The following SEPTIN9 variants were observed in gnomAD, a reference collection of about 807,000 sequenced individuals.
SEPTIN9 encodes septin-9.
In SEPTIN9, 13 loss-of-function variants were observed where a neutral mutation model predicts 56.6. The ratio of observed to expected loss-of-function variants is 0.23; its 90% CI spans 0.15 to 0.37. The LOEUF is 0.37. SEPTIN9 is among the 10% of genes least tolerant of loss of function. The pLI, the probability that SEPTIN9 is intolerant of heterozygous loss-of-function variation, is 1.00. For missense variants in SEPTIN9, 650 were observed against 823.1 expected, an observed-to-expected ratio of 0.79 and a Z score of 2.57; for synonymous variants, 332 against 334.1, an observed-to-expected ratio of 0.99 and a Z score of 0.07.
Position 77,488,429 on chromosome 17 carries a change from C to A in SEPTIN9, c.1124+108C>A, listed in dbSNP as rs752209714. On this transcript the variant is annotated intron_variant, in intron 6 of 11. Coordinates refer to ENST00000427177, the MANE Select transcript of SEPTIN9 (RefSeq NM_001113491.2). ...CCGGCCCGCGGGGGTGCAGGGCCCA[C>A]CTCCTGGGACCTGACATGCTGCCAA... The A allele has an allele frequency of 3.8e-4, 381 of 1,006,854 alleles. 3 individuals are homozygous for A. Among genetic ancestry groups the A allele is most frequent in the Middle Eastern group, 1.9e-3 (8 of 4,224 alleles). The allele number at this position is 1,006,854 out of a possible 1,614,324, so 62.4% of individuals were successfully genotyped here.
intron 1 of SEPTIN9, among the ~76,000 whole-genome samples, chr17:77,288,520 TTCCGCAGATCAACCTGA>T (rs2031379837): frequency 6.6e-6 from 1 of 152,230 alleles, no homozygotes; most frequent in Non-Finnish European, 1.5e-5. Context: ...TGGGGCCTTG[TTCCGCAGATCAACCTGA>T]TCCGCACCCT....
rs950933953 is a variant in SEPTIN9, at chr17:77,437,851, G to A, written c.721+35148G>A. On this transcript the variant is annotated intron_variant, in intron 3 of 11. Transcript: ENST00000427177. This position sits in a 1 kb window ranked among gnomAD's most constrained non-coding sequence, Gnocchi z 5.3. ...CCTGTAAGAAAGTCAGGTGCCTCCCGAAGCTTCTCCCTGGCCCCAGGCCAG... is the reference window on the plus strand; with the variant it reads ...CCTGTAAGAAAGTCAGGTGCCTCCCAAAGCTTCTCCCTGGCCCCAGGCCAG... Among the ~76,000 whole-genome samples, 5 of 152,174 alleles carry A rather than the reference G, an allele frequency of 3.3e-5. No homozygotes were observed. The highest frequency in any genetic ancestry group is 1.2e-4 in the African/African-American group (5 of 41,442).
intron 2 of SEPTIN9, among the ~76,000 whole-genome samples, chr17:77,364,959 C>T (rs2034528437): frequency 6.6e-6 from 1 of 152,230 alleles, no homozygotes; most frequent in Non-Finnish European, 1.5e-5. Flanking sequence ...TCTAAAGGGC[C>T]CCAGAGCCAG....
At position 77,402,853 on chromosome 17, in the gene SEPTIN9, G is replaced by A. The variant is rs2035951331; in HGVS notation, c.721+150G>A. 2.7e-6 allele frequency: 2 copies of A among 751,702 alleles called. No individual in the cohort carries two copies. The highest frequency in any genetic ancestry group is 2.7e-5 in the East Asian group (1 of 36,646). The allele number at this position is 751,702 out of a possible 1,614,324, so 46.6% of individuals were successfully genotyped here. A position where few individuals can be genotyped will look rare whatever the true frequency, so the allele number is the denominator to read the frequency against. ...AAGACCGGAATGCATGGGGGTGGGG[G>A]TCTGCAAGCTCAGGAGAGGTGGCTC... On this transcript the variant is annotated intron_variant, in intron 3 of 11. Coordinates refer to ENST00000427177, the MANE Select transcript of SEPTIN9 (RefSeq NM_001113491.2). The surrounding 1 kb of genome is among the most constrained non-coding windows in gnomAD (Gnocchi z 6.6).
In SEPTIN9 at chr17:77,367,913, ACT is replaced by A. The variant is rs1213235964; in HGVS notation, c.77-34142_77-34141del. Among the ~76,000 whole-genome samples, 3 of 152,244 alleles carry A rather than the reference ACT, an allele frequency of 2.0e-5. No individual in the cohort carries two copies. Among genetic ancestry groups the A allele is most frequent in the Admixed American group, 1.3e-4 (2 of 15,286 alleles). On this transcript the variant is annotated intron_variant, in intron 2 of 11. Coordinates refer to ENST00000427177, the MANE Select transcript of SEPTIN9 (RefSeq NM_001113491.2). This position sits in a 1 kb window ranked among gnomAD's most constrained non-coding sequence, Gnocchi z 4.5. Reference sequence around the variant, plus strand: ...GCACACCCATGTTTGTAGCAGCTTTACTCTCAATTGCTCAAATGTGGAAGGAA... The same window carrying A: ...GCACACCCATGTTTGTAGCAGCTTTACTCAATTGCTCAAATGTGGAAGGAA...
chr17:77,467,701 C>T (rs893331246), intron 3 of SEPTIN9, among the ~76,000 whole-genome samples: 4 of 152,220 alleles, frequency 2.6e-5, no homozygotes, highest in Non-Finnish European at 2.9e-5. Flanking sequence ...GGCCACACAC[C>T]GAAGCCGCGG....
intron 3 of SEPTIN9, among the ~76,000 whole-genome samples, chr17:77,440,306 C>G (rs1169349673): frequency 1.3e-5 from 2 of 152,106 alleles, no homozygotes; most frequent in Non-Finnish European, 2.9e-5. Flanking sequence ...AGGCGCCCAC[C>G]ACCACGCCCG....
chr17:77,360,528 C>G (rs192735469), intron 2 of SEPTIN9, among the ~76,000 whole-genome samples: 10 of 152,118 alleles, frequency 6.6e-5, no homozygotes, highest in Admixed American at 2.0e-4. Context: ...CTGCTCCCTA[C>G]TAGGGTAGGT....
At chr17:77,463,127 G>A (rs1337466322) in intron 3 of SEPTIN9, among the ~76,000 whole-genome samples, 1 of 152,158 alleles carries the variant, frequency 6.6e-6, no homozygotes, top group African/African-American at 2.4e-5. Flanking sequence ...GGTGTAGGGA[G>A]GGCACCTCTT....
Position 77,436,724 on chromosome 17 carries a change from C to T in SEPTIN9, c.721+34021C>T, listed in dbSNP as rs917259685. The stretch of plus-strand genomic sequence containing the variant: ...CGGCGGAGGTGGGCAAAAGCCGCTT[C>T]CGGGCAGCCAGCCCCCATCCTGGGA... On this transcript the variant is annotated intron_variant, in intron 3 of 11. Transcript: ENST00000427177. This position sits in a 1 kb window ranked among gnomAD's most constrained non-coding sequence, Gnocchi z 4.4. Among the ~76,000 whole-genome samples, 15 of 152,392 alleles carry T rather than the reference C, an allele frequency of 9.8e-5. No individual in the cohort carries two copies. Among genetic ancestry groups the T allele is most frequent in the Admixed American group, 5.9e-4 (9 of 15,312 alleles).
In SEPTIN9 at chr17:77,451,216, C is replaced by G. The variant is rs144825029; in HGVS notation, c.722-30928C>G. The G allele has an allele frequency of 1.1e-3, 227 of 206,664 alleles. No individual in the cohort carries two copies. The highest frequency in any genetic ancestry group is 7.2e-3 in the Middle Eastern group (3 of 416). The allele number at this position is 206,664 out of a possible 1,614,324, so 12.8% of individuals were successfully genotyped here. A position where few individuals can be genotyped will look rare whatever the true frequency, so the allele number is the denominator to read the frequency against. The stretch of plus-strand genomic sequence containing the variant: ...CAGGGACCCTGTCACTTTCCTTTAG[C>G]GTGTGGCAGCTCCTTGGCGTCCCTC... On this transcript the variant is annotated intron_variant, in intron 3 of 11. Transcript: ENST00000427177. The surrounding 1 kb of genome is among the most constrained non-coding windows in gnomAD (Gnocchi z 4.2).
rs116520369 is a variant in SEPTIN9 at position 77,335,038 on chromosome 17, G to A, written c.76+27841G>A. Among the ~76,000 whole-genome samples the A allele has an allele frequency of 5.0e-3, 766 of 151,876 alleles. 12 individuals carry two copies. Among genetic ancestry groups the A allele is most frequent in the African/African-American group, 0.018 (730 of 41,358 alleles). ...AGTATATGTACGTATATACATATTGGCCCTATGTTGACTGTATATGTGGTC... is the reference window on the plus strand; with the variant it reads ...AGTATATGTACGTATATACATATTGACCCTATGTTGACTGTATATGTGGTC... On this transcript the variant is annotated intron_variant, in intron 2 of 11. Coordinates refer to ENST00000427177, the MANE Select transcript of SEPTIN9 (RefSeq NM_001113491.2).
chr17:77,349,469 GT>G (rs377673430), intron 2 of SEPTIN9, among the ~76,000 whole-genome samples: 2 of 152,188 alleles, frequency 1.3e-5, no homozygotes, highest in Non-Finnish European at 2.9e-5. Flanking sequence ...TGAGTTGTCA[GT>G]TTTTTCTTTC....
chr17:77,379,363 C>T (rs972515355), intron 2 of SEPTIN9, among the ~76,000 whole-genome samples: 3 of 151,880 alleles, frequency 2.0e-5, no homozygotes, highest in African/African-American at 7.3e-5. Flanking sequence ...CTGGTCTCGT[C>T]GGCTGTCTTG....
Position 77,317,292 on chromosome 17 carries a change from G to A in SEPTIN9, c.76+10095G>A, listed in dbSNP as rs913207250. On this transcript the variant is annotated intron_variant, in intron 2 of 11. Transcript: ENST00000427177. This position sits in a 1 kb window ranked among gnomAD's most constrained non-coding sequence, Gnocchi z 4.2. Reference sequence around the variant, plus strand: ...TGGGCATAGCCCTCTGGAGGCTCTAGGGCAGGGGTTCCCAGCCCCGTGTGT... The same window carrying A: ...TGGGCATAGCCCTCTGGAGGCTCTAAGGCAGGGGTTCCCAGCCCCGTGTGT... 2.0e-5 allele frequency among the ~76,000 whole-genome samples: 3 copies of A among 152,170 alleles called. No homozygotes were observed. Among genetic ancestry groups the A allele is most frequent in the Non-Finnish European group, 4.4e-5 (3 of 68,026 alleles).
At chr17:77,426,710 C>G (rs570103244) in intron 3 of SEPTIN9, among the ~76,000 whole-genome samples, 1 of 152,342 alleles carries the variant, frequency 6.6e-6, no homozygotes, top group African/African-American at 2.4e-5. Flanking sequence ...GCAGTTAAAA[C>G]AGCCCTCCCA....
rs1361703021 is a variant in SEPTIN9 at position 77,326,435 on chromosome 17, AC to A, written c.76+19240del. ...GTCAGGAGGGCTGCCTCGGGGGGAC[AC>A]CTTCGGGCTGAGCGCAGAAGGATGA... On this transcript the variant is annotated intron_variant, in intron 2 of 11. Coordinates refer to ENST00000427177, the MANE Select transcript of SEPTIN9 (RefSeq NM_001113491.2). The surrounding 1 kb of genome is among the most constrained non-coding windows in gnomAD (Gnocchi z 5.1). Among the ~76,000 whole-genome samples the A allele has an allele frequency of 6.6e-6, 1 of 152,144 alleles. No homozygotes were observed. The highest frequency in any genetic ancestry group is 1.5e-5 in the Non-Finnish European group (1 of 68,020).
At chr17:77,494,785 CT>C (rs1439007197) in intron 10 of SEPTIN9, among the ~76,000 whole-genome samples, 1 of 152,210 alleles carries the variant, frequency 6.6e-6, no homozygotes, top group Non-Finnish European at 1.5e-5. Flanking sequence ...CTGCACCAGA[CT>C]CCCTCGAGAT....
At chr17:77,440,680 C>G (rs1424541609) in intron 3 of SEPTIN9, among the ~76,000 whole-genome samples, 1 of 152,372 alleles carries the variant, frequency 6.6e-6, no homozygotes, top group East Asian at 1.9e-4. Context: ...GAAGGTGACG[C>G]GTGATCATCC....
Sources: gnomAD v4.1 joint callset for allele counts (sites outside exome capture counted in the v4.1 genomes callset) on GRCh38, gnomAD v4.1.1 for gene constraint, Gnocchi (gnomAD v3.1) non-coding constraint, MANE v1.5 for transcripts, NCBI Gene and HGNC (gene_info 2026-07-23, HGNC 2026-07-21) for gene names.